RASAL2: variants seen among roughly 807,000 people sequenced by gnomAD.
RASAL2 encodes the protein RAS protein activator like 2, also known as ras GTPase-activating protein nGAP.
In RASAL2, 58 loss-of-function variants were observed where a neutral mutation model predicts 128.9. That is an observed-to-expected ratio of 0.45 (90% CI 0.36 to 0.56). RASAL2 has a LOEUF of 0.56. Among genes scored for constraint, RASAL2 ranks in the 20% least tolerant of loss-of-function variants. The pLI is 0.00. For synonymous variants in RASAL2, 561 were observed against 580.8 expected, an observed-to-expected ratio of 0.97 and a Z score of 0.49; for missense variants, 1,360 against 1,601.6, an observed-to-expected ratio of 0.85 and a Z score of 2.57.
intron 4 of RASAL2, among the ~76,000 whole-genome samples, chr1:178,414,718 G>T (rs920634032): frequency 6.6e-6 from 1 of 152,132 alleles, no homozygotes; most frequent in Admixed American, 6.5e-5. Context: ...GAATTCACCA[G>T]AGGAACCCAT....
intron 3 of RASAL2, among the ~76,000 whole-genome samples, chr1:178,347,907 C>G (rs746949822): frequency 3.3e-5 from 5 of 152,158 alleles, no homozygotes; most frequent in Non-Finnish European, 7.4e-5. Flanking sequence ...TACCCAAATG[C>G]TCATCAGCAG....
chr1:178,413,988 GA>G (rs896119349), intron 4 of RASAL2, among the ~76,000 whole-genome samples: 135 of 151,984 alleles, frequency 8.9e-4, no homozygotes, highest in African/African-American at 3.1e-3. Flanking sequence ...AAAGACTGCA[GA>G]AAAAACAAAA....
intron 5 of RASAL2, among the ~76,000 whole-genome samples, chr1:178,427,459 G>C (rs770091382): frequency 1.3e-4 from 20 of 152,190 alleles, no homozygotes; most frequent in Admixed American, 2.6e-4. Context: ...AACAAAGTAT[G>C]GTTTTAAGTA....
intron 1 of RASAL2, among the ~76,000 whole-genome samples, chr1:178,200,458 A>T (rs75492675): frequency 0.068 from 10,423 of 152,248 alleles, 415 homozygotes; most frequent in Middle Eastern, 0.099. Flanking sequence ...AAACATAATG[A>T]AGTTGGTTAG....
At chr1:178,212,442 AG>A (rs1344381072) in intron 1 of RASAL2, among the ~76,000 whole-genome samples, 1 of 152,226 alleles carries the variant, frequency 6.6e-6, no homozygotes, top group African/African-American at 2.4e-5. Flanking sequence ...AAGAGGCGGC[AG>A]TATAATAAAC....
At chr1:178,123,513 T>G (rs758948913) in intron 1 of RASAL2, among the ~76,000 whole-genome samples, 7 of 152,190 alleles carry the variant, frequency 4.6e-5, no homozygotes, top group South Asian at 2.1e-4. Flanking sequence ...ACAGTTCCTG[T>G]TGCGCTAAGT....
At chr1:178,303,775 T>C (rs1667870981) in intron 3 of RASAL2, among the ~76,000 whole-genome samples, 1 of 152,058 alleles carries the variant, frequency 6.6e-6, no homozygotes, top group African/African-American at 2.4e-5. Context: ...AAATGCTTCC[T>C]CGTAGAAAAT....
chr1:178,214,032 A>T (rs550177783), intron 1 of RASAL2, among the ~76,000 whole-genome samples: 2 of 152,202 alleles, frequency 1.3e-5, no homozygotes, highest in South Asian at 4.1e-4. Context: ...ATCCTTTGGG[A>T]TTGCTTGAGG....
intron 15 of RASAL2, 53 bp downstream of exon 15, chr1:178,464,465 A>G (rs541250240): frequency 5.3e-5 from 84 of 1,594,634 alleles, no homozygotes; most frequent in Admixed American, 8.5e-5. Flanking sequence ...ACAGGCCACT[A>G]AAAAGGTTAT....
intron 3 of RASAL2, among the ~76,000 whole-genome samples, chr1:178,318,669 T>G (rs1471870573): frequency 4.4e-4 from 64 of 146,230 alleles, no homozygotes; most frequent in South Asian, 1.6e-3. Context: ...CATCCTTTTA[T>G]TTTGAGCCTA....
intron 5 of RASAL2, among the ~76,000 whole-genome samples, chr1:178,423,025 C>G (rs1675260929): frequency 1.3e-5 from 2 of 151,978 alleles, no homozygotes; most frequent in South Asian, 4.1e-4. Context: ...AAAGGGAACC[C>G]AAGTATATGT....
intron 5 of RASAL2, among the ~76,000 whole-genome samples, chr1:178,431,132 C>T (rs1003532900): frequency 3.3e-5 from 5 of 151,834 alleles, no homozygotes; most frequent in African/African-American, 1.2e-4. Context: ...TAGCTTATTT[C>T]TTATGATCTT....
intron 4 of RASAL2, among the ~76,000 whole-genome samples, chr1:178,400,617 A>T (rs1016128259): frequency 4.6e-5 from 7 of 152,192 alleles, no homozygotes; most frequent in Non-Finnish European, 7.4e-5. Context: ...TTGATATTTT[A>T]AAAAAATTTT....
intron 5 of RASAL2, among the ~76,000 whole-genome samples, chr1:178,434,242 A>AATTAC (rs1676111080): frequency 6.6e-6 from 1 of 152,094 alleles, no homozygotes; most frequent in Non-Finnish European, 1.5e-5. Flanking sequence ...AGTTTCTGTA[A>AATTAC]AGGAATTGTT....
chr1:178,193,107 T>G (rs1662545723), intron 1 of RASAL2, among the ~76,000 whole-genome samples: 1 of 152,320 alleles, frequency 6.6e-6, no homozygotes, highest in East Asian at 1.9e-4. Flanking sequence ...AGATCACGTT[T>G]GAGGGAACTC....
intron 3 of RASAL2, among the ~76,000 whole-genome samples, chr1:178,346,403 T>TAAAA (rs369075200): frequency 8.9e-4 from 128 of 143,738 alleles, no homozygotes; most frequent in Non-Finnish European, 1.4e-3. Context: ...CTTGTATCTT[T>TAAAA]AAAAAAAAAA....
At chr1:178,218,904 A>G (rs899890645) in intron 1 of RASAL2, among the ~76,000 whole-genome samples, 13 of 152,246 alleles carry the variant, frequency 8.5e-5, no homozygotes, top group African/African-American at 3.1e-4. Context: ...TTTAAGCCAG[A>G]CACTGACTTC....
chr1:178,276,927 T>C (rs1666543847), intron 1 of RASAL2, among the ~76,000 whole-genome samples: 1 of 151,660 alleles, frequency 6.6e-6, no homozygotes, highest in African/African-American at 2.4e-5. Flanking sequence ...GGCTGGCGGA[T>C]CACAAGGTCA....
At chr1:178,148,526 G>A (rs1292924250) in intron 1 of RASAL2, among the ~76,000 whole-genome samples, 1 of 151,394 alleles carries the variant, frequency 6.6e-6, no homozygotes, top group Non-Finnish European at 1.5e-5. Flanking sequence ...TCGGCCCACT[G>A]CAGCTTCAAC....
Sources: gnomAD v4.1 joint callset for allele counts (sites outside exome capture counted in the v4.1 genomes callset) on GRCh38, gnomAD v4.1.1 for gene constraint, MANE v1.5 for transcripts, NCBI Gene and HGNC (gene_info 2026-07-23, HGNC 2026-07-21) for gene names.